The following ZC3H4 variants were observed in gnomAD, a reference collection of about 807,000 sequenced individuals.
ZC3H4 encodes the protein zinc finger CCCH domain-containing protein 4.
ZC3H4 carries 13 observed loss-of-function variants against 108.3 expected under a neutral mutation model. That is an observed-to-expected ratio of 0.12 (90% confidence interval 0.08 to 0.19). The LOEUF is 0.19. Among genes scored for constraint, ZC3H4 ranks in the 10% least tolerant of loss-of-function variants. The probability of loss-of-function intolerance (pLI) is 1.00; values close to 1 mark genes in which losing one functional copy is unlikely to be tolerated. For missense variants in ZC3H4, 1,734 were observed against 1,838.8 expected, an observed-to-expected ratio of 0.94 and a Z score of 1.04; for synonymous variants, 917 against 749.6, an observed-to-expected ratio of 1.22 and a Z score of -3.65.
chr19:47,112,746 C>T (rs149751443), intron 1 of ZC3H4, among the ~76,000 whole-genome samples, 157 bp from the exon 2 acceptor site: 1 of 152,328 alleles, frequency 6.6e-6, no homozygotes, highest in African/African-American at 2.4e-5. Flanking sequence ...GCCGCACGGC[C>T]TAGGCCTCGG....
intron 2 of ZC3H4, 54 bp downstream of exon 2, chr19:47,112,370 C>T (rs1046100074): frequency 9.4e-5 from 115 of 1,228,216 alleles, no homozygotes; most frequent in Non-Finnish European, 1.1e-4. Flanking sequence ...CCCCTTCCTC[C>T]TCCTCCTCTT....
chr19:47,077,354 T>C (rs963279682), intron 11 of ZC3H4, among the ~76,000 whole-genome samples: 2 of 146,460 alleles, frequency 1.4e-5, no homozygotes, highest in Admixed American at 1.4e-4. Context: ...TGTAATCCCA[T>C]CTATTCAGGA....
rs1434326747 is a variant in ZC3H4 at position 47,071,967 on chromosome 19, G to A, written c.1957C>T (p.Pro653Ser). The change falls in exon 13 of 15, where the codon CCG (proline) becomes TCG (serine). Residue 653 changes from proline (P) to serine (S), a missense_variant. Coordinates refer to ENST00000253048, the MANE Select transcript of ZC3H4 (RefSeq NM_015168.2). ...DMHADMHADM[P>S]MGPGMNPGPP... ...CCAGGATTCATGCCAGGGCCCATCG[G>A]CATGTCTGCGTGCATGTCTGCGTGC... 2.5e-6 allele frequency: 4 copies of A among 1,575,314 alleles called. No homozygotes were observed. Among genetic ancestry groups the A allele is most frequent in the South Asian group, 2.2e-5 (2 of 90,128 alleles).
intron 5 of ZC3H4, 67 bp from the exon 6 acceptor site, chr19:47,086,605 C>G: frequency 6.7e-7 from 1 of 1,496,874 alleles, no homozygotes; most frequent in Non-Finnish European, 8.8e-7. Context: ...AGAAGACAAC[C>G]CACATTTTGC....
chr19:47,109,963 G>C (rs554293086), intron 2 of ZC3H4, among the ~76,000 whole-genome samples: 1 of 152,218 alleles, frequency 6.6e-6, no homozygotes, highest in Admixed American at 6.5e-5. Flanking sequence ...GGGGACTGGG[G>C]GCTGGAGGAG....
At chr19:47,098,550 G>A (rs1025320030) in intron 2 of ZC3H4, among the ~76,000 whole-genome samples, 7 of 151,248 alleles carry the variant, frequency 4.6e-5, no homozygotes, top group African/African-American at 1.7e-4. Flanking sequence ...GATCACCTGA[G>A]GTCAGGAGTT....
rs146585975 is a variant in ZC3H4, at chr19:47,113,626, G to C, written c.-6+94C>G. 1.0e-4 allele frequency: 16 copies of C among 152,414 alleles called. No homozygotes were observed. In the East Asian group the frequency reaches 3.1e-3, roughly 29 times the overall value. 9.4% of individuals were successfully genotyped at this position (152,414 alleles called of 1,614,324 possible). On this transcript the variant is annotated intron_variant, in intron 1 of 14. Transcript: ENST00000253048. ...GAGCAAGAGGGAAAAACCGAAAATT[G>C]CTAGTTTGAAGGAAGGCGGGAAGAG... is the stretch of plus-strand genomic sequence containing the variant.
At chr19:47,101,135 T>G (rs2057898562) in intron 2 of ZC3H4, among the ~76,000 whole-genome samples, 1 of 151,986 alleles carries the variant, frequency 6.6e-6, no homozygotes, top group Non-Finnish European at 1.5e-5. Flanking sequence ...AGCCCTGGAA[T>G]TTGAGACCAG....
chr19:47,104,874 G>T (rs1005170143), intron 2 of ZC3H4, among the ~76,000 whole-genome samples: 1 of 152,222 alleles, frequency 6.6e-6, no homozygotes, highest in Non-Finnish European at 1.5e-5. Flanking sequence ...CGACACTAGC[G>T]TCTGGGCCCA....
At chr19:47,083,756 C>T (rs2122863310) in intron 9 of ZC3H4, among the ~76,000 whole-genome samples, 1 of 152,336 alleles carries the variant, frequency 6.6e-6, no homozygotes, top group Admixed American at 6.5e-5. Context: ...TTTGAAGCAT[C>T]TATTTCTTCC....
Position 47,066,041 on chromosome 19 carries a change from C to T in ZC3H4, c.*315G>A, listed in dbSNP as rs183407642. ...AACCCACTGGGCCTCCAGCAAGGCCCGGCCACGCAGAGCCCACAGAGTCTG... is the reference window on the plus strand; with the variant it reads ...AACCCACTGGGCCTCCAGCAAGGCCTGGCCACGCAGAGCCCACAGAGTCTG... On this transcript the variant is annotated 3_prime_UTR_variant, in exon 15 of 15. Coordinates refer to ENST00000253048, the MANE Select transcript of ZC3H4 (RefSeq NM_015168.2). 8.9e-4 allele frequency: 217 copies of T among 243,656 alleles called. No homozygotes were observed. The highest frequency in any genetic ancestry group is 4.3e-3 in the African/African-American group (192 of 44,784). 15.1% of individuals were successfully genotyped at this position (243,656 alleles called of 1,614,324 possible).
rs996546934 is a variant in ZC3H4 at position 47,072,528 on chromosome 19, C to A, written c.1626G>T (p.Pro542=). The A allele has an allele frequency of 2.7e-4, 46 of 167,814 alleles. No individual in the cohort carries two copies. In the Admixed American group the frequency reaches 0.015, roughly 56 times the overall value. The allele number at this position is 167,814 out of a possible 1,614,324, so 10.4% of individuals were successfully genotyped here. Residue 542 remains proline (P), a synonymous_variant, in exon 12 of 15, where the codon CCG becomes CCT. Transcript: ENST00000253048. This position sits in a 1 kb window ranked among gnomAD's most constrained non-coding sequence, Gnocchi z 5.6. ...GTGGGGGAGGGGGAGGGGGCGGGGG[C>A]GGGGGGCCACCCTGCATGGGCCTGC... The part of the protein sequence containing the change: ...PNGRPMQGGP[P]PPPPPPPPPP...
At chr19:47,094,664 G>A in intron 2 of ZC3H4, 56 bp from the exon 3 acceptor site, 1 of 1,579,994 alleles carries the variant, frequency 6.3e-7, no homozygotes, top group East Asian at 2.2e-5. Flanking sequence ...AGACCTCCTA[G>A]GGCTCTGGGC....
chr19:47,083,483 G>A (rs911469462), intron 9 of ZC3H4, among the ~76,000 whole-genome samples: 1 of 152,092 alleles, frequency 6.6e-6, no homozygotes, highest in African/African-American at 2.4e-5. Flanking sequence ...AGCACTTCAG[G>A]AGGCTGGAAT....
chr19:47,066,303 G>A lies in ZC3H4; in HGVS notation c.*53C>T. On this transcript the variant is annotated 3_prime_UTR_variant, in exon 15 of 15. Transcript: ENST00000253048. ...CCCCAAGTTCCCTACCCTGGGTGCT[G>A]CCCTGAATGCCACCCTAGGAAGGGT... is the stretch of plus-strand genomic sequence containing the variant. The A allele has an allele frequency of 7.0e-7, 1 of 1,433,360 alleles. No individual in the cohort carries two copies. Among genetic ancestry groups the A allele is most frequent in the Non-Finnish European group, 9.2e-7 (1 of 1,085,736 alleles). The allele number at this position is 1,433,360 out of a possible 1,614,324, so 88.8% of individuals were successfully genotyped here. A position where few individuals can be genotyped will look rare whatever the true frequency, so the allele number is the denominator to read the frequency against.
intron 9 of ZC3H4, among the ~76,000 whole-genome samples, chr19:47,082,697 C>T (rs533025152): frequency 6.6e-6 from 1 of 152,126 alleles, no homozygotes; most frequent in Non-Finnish European, 1.5e-5. Flanking sequence ...CAGCAACCAC[C>T]GTGTAACCAT....
At chr19:47,079,720 AC>A (rs1297397206) in intron 11 of ZC3H4, among the ~76,000 whole-genome samples, 1 of 151,814 alleles carries the variant, frequency 6.6e-6, no homozygotes, top group African/African-American at 2.4e-5. Context: ...ACATGGTGAA[AC>A]CCCGTCTCTA....
At chr19:47,077,771 C>T (rs1027270024) in intron 11 of ZC3H4, among the ~76,000 whole-genome samples, 1 of 151,006 alleles carries the variant, frequency 6.6e-6, no homozygotes, top group Admixed American at 6.6e-5. Context: ...GCAGGAGAAT[C>T]GCTTGAACCT....
In ZC3H4 at chr19:47,067,085, G is replaced by A. The variant is rs2057222282; in HGVS notation, c.3183C>T (p.Ala1061=). Residue 1061 remains alanine, a synonymous_variant, in exon 15 of 15, where the codon GCC becomes GCT. Coordinates refer to ENST00000253048, the MANE Select transcript of ZC3H4 (RefSeq NM_015168.2). The surrounding 1 kb of genome is among the most constrained non-coding windows in gnomAD (Gnocchi z 6.4). ...KTVNATGSSA[A]PGSSDKPSDP... ...CACTGGGTTTGTCGCTGGAACCGGG[G>A]GCGGCCGAGGAGCCGGTGGCATTGA... The A allele has an allele frequency of 1.4e-5, 23 of 1,610,240 alleles. No homozygotes were observed. Among genetic ancestry groups the A allele is most frequent in the Non-Finnish European group, 1.9e-5 (22 of 1,178,472 alleles).
Sources: allele counts gnomAD v4.1 joint callset (sites outside exome capture counted in the v4.1 genomes callset), GRCh38; gene constraint gnomAD v4.1.1; non-coding constraint Gnocchi (gnomAD v3.1); transcripts MANE v1.5; gene names NCBI Gene and HGNC (gene_info 2026-07-23, HGNC 2026-07-21).